GRM8: variants seen among roughly 807,000 people sequenced by gnomAD.
GRM8 encodes glutamate metabotropic receptor 8, also known as metabotropic glutamate receptor 8.
In GRM8, 47 loss-of-function variants were observed where a neutral mutation model predicts 87.2. The observed-to-expected ratio is 0.54, with a 90% confidence interval of 0.43 to 0.69. GRM8 has a LOEUF of 0.69. Ranked by LOEUF, GRM8 falls within the 30% of genes least tolerant of loss-of-function variation. The pLI is 0.00. For synonymous variants in GRM8, 396 were observed against 404.5 expected (o/e 0.98, Z 0.25); for missense variants, 1,019 against 1,139.2 (o/e 0.89, Z 1.52).
intron 7 of GRM8, among the ~76,000 whole-genome samples, chr7:126,653,953 C>G (rs1325801199): frequency 6.6e-6 from 1 of 152,118 alleles, no homozygotes; most frequent in African/African-American, 2.4e-5. Context: ...ATAACACAAA[C>G]TATAAACAAC....
chr7:127,140,271 C>A (rs1292829360), intron 2 of GRM8, among the ~76,000 whole-genome samples: 2 of 152,060 alleles, frequency 1.3e-5, no homozygotes, highest in African/African-American at 4.8e-5. Flanking sequence ...TCCCTGGTCT[C>A]TATTCATTAG....
intron 6 of GRM8, among the ~76,000 whole-genome samples, chr7:126,880,245 A>T (rs1269785947): frequency 6.6e-6 from 1 of 152,240 alleles, no homozygotes; most frequent in East Asian, 1.9e-4. Flanking sequence ...TTTTCAAATG[A>T]ACATGCAGGA....
intron 3 of GRM8, among the ~76,000 whole-genome samples, chr7:126,913,733 G>A (rs1247432277): frequency 2.0e-5 from 3 of 152,180 alleles, no homozygotes; most frequent in Non-Finnish European, 4.4e-5. Context: ...GTTTAAATAA[G>A]TGTAATCACG....
Position 126,446,217 on chromosome 7 carries a change from A to C in GRM8, c.2586T>G (p.Ala862=). The C allele has an allele frequency of 1.9e-6, 3 of 1,613,108 alleles. No individual in the cohort carries two copies. The highest frequency in any genetic ancestry group is 2.5e-6 in the Non-Finnish European group (3 of 1,179,412). Residue 862 remains alanine (A), a synonymous_variant, in exon 10 of 11, where the codon GCT becomes GCG. Coordinates refer to ENST00000339582, the MANE Select transcript of GRM8 (RefSeq NM_000845.3). ...RKRSFKAVVT[A]ATMQSKLIQK... The stretch of plus-strand genomic sequence containing the variant: ...GGATCAGTTTGCTTTGCATGGTGGC[A>C]GCTGTCACCACAGCCTTGAAGCTCC...
intron 2 of GRM8, among the ~76,000 whole-genome samples, chr7:127,172,938 T>C (rs1412856910): frequency 6.6e-6 from 1 of 152,152 alleles, no homozygotes; most frequent in Non-Finnish European, 1.5e-5. Context: ...GCATCAAAAT[T>C]GTGAGCTGGC....
intron 6 of GRM8, among the ~76,000 whole-genome samples, chr7:126,851,426 T>A (rs1400374267): frequency 6.6e-6 from 1 of 152,134 alleles, no homozygotes; most frequent in East Asian, 1.9e-4. Flanking sequence ...ATGCCACCCA[T>A]CTGTGGAAAA....
chr7:126,526,246 G>T (rs1371262177), intron 9 of GRM8, among the ~76,000 whole-genome samples: 1 of 152,152 alleles, frequency 6.6e-6, no homozygotes, highest in Non-Finnish European at 1.5e-5. Context: ...TTAAGGTTCT[G>T]TCTGTATAGA....
chr7:126,451,716 C>G (rs902854640), intron 9 of GRM8, among the ~76,000 whole-genome samples: 1 of 151,704 alleles, frequency 6.6e-6, no homozygotes, highest in African/African-American at 2.4e-5. Flanking sequence ...ATACTGGCTC[C>G]CTGGCTGATC....
At chr7:126,469,897 T>G (rs945075682) in intron 9 of GRM8, among the ~76,000 whole-genome samples, 18 of 151,730 alleles carry the variant, frequency 1.2e-4, no homozygotes, top group African/African-American at 4.4e-4. Context: ...CAGGCAGAGG[T>G]TGGAAGAGTT....
intron 8 of GRM8, among the ~76,000 whole-genome samples, chr7:126,583,308 T>C (rs758009378): frequency 3.5e-4 from 53 of 151,984 alleles, no homozygotes; most frequent in Non-Finnish European, 6.8e-4. Context: ...CAAGCCAAGA[T>C]TGTACCATTG....
intron 9 of GRM8, chr7:126,512,300 T>C (rs1417776008): frequency 6.6e-6 from 1 of 152,176 alleles, no homozygotes; most frequent in Non-Finnish European, 1.5e-5. Context: ...GTGGCTACTT[T>C]GTGCAGATTC....
At chr7:126,493,825 T>C (rs1808348508) in intron 9 of GRM8, among the ~76,000 whole-genome samples, 1 of 152,058 alleles carries the variant, frequency 6.6e-6, no homozygotes, top group African/African-American at 2.4e-5. Context: ...TATGGTTCCC[T>C]CTGGAAGGGG....
chr7:126,844,406 C>T (rs1013081293), intron 6 of GRM8, among the ~76,000 whole-genome samples: 7 of 152,114 alleles, frequency 4.6e-5, no homozygotes, highest in East Asian at 1.9e-4. Flanking sequence ...GTTTTGCAAT[C>T]GTATATAAAT....
intron 6 of GRM8, among the ~76,000 whole-genome samples, chr7:126,885,765 T>G (rs1176615470): frequency 1.3e-5 from 2 of 152,324 alleles, no homozygotes; most frequent in Non-Finnish European, 1.5e-5. Context: ...TTTCAAACCC[T>G]CCAGGGGTGA....
At chr7:126,644,586 C>A (rs2151217275) in intron 7 of GRM8, among the ~76,000 whole-genome samples, 1 of 152,286 alleles carries the variant, frequency 6.6e-6, no homozygotes, top group East Asian at 1.9e-4. Context: ...ACTTACCAGA[C>A]TGTTGCCTAA....
chr7:127,138,182 C>G (rs1828046078), intron 2 of GRM8, among the ~76,000 whole-genome samples: 1 of 152,196 alleles, frequency 6.6e-6, no homozygotes, highest in African/African-American at 2.4e-5. Flanking sequence ...CTGCAAAGCC[C>G]TTGCTTCAAT....
intron 9 of GRM8, among the ~76,000 whole-genome samples, chr7:126,524,559 T>C (rs1469115104): frequency 1.3e-5 from 2 of 152,168 alleles, no homozygotes; most frequent in African/African-American, 4.8e-5. Context: ...AGTTGTGAAA[T>C]CTTCCTTCTG....
intron 2 of GRM8, among the ~76,000 whole-genome samples, chr7:127,225,434 C>T (rs750585016): frequency 1.2e-4 from 18 of 151,572 alleles, no homozygotes; most frequent in Non-Finnish European, 2.6e-4. Context: ...TACATTTGCA[C>T]TCTGTTTACA....
chr7:126,945,189 G>C (rs770023653), intron 3 of GRM8, among the ~76,000 whole-genome samples: 1 of 151,818 alleles, frequency 6.6e-6, no homozygotes, highest in African/African-American at 2.4e-5. Context: ...ATTCACAATC[G>C]CAAAAAAATA....
Sources: allele counts gnomAD v4.1 joint callset (sites outside exome capture counted in the v4.1 genomes callset), GRCh38; gene constraint gnomAD v4.1.1; transcripts MANE v1.5; gene names NCBI Gene and HGNC (gene_info 2026-07-23, HGNC 2026-07-21).